Variants in WDR82 observed in about 807,000 individuals in gnomAD.
The protein encoded by WDR82 is WD repeat domain 82.
WDR82 carries 8 observed loss-of-function variants against 36.1 expected under a neutral mutation model. The ratio of observed to expected loss-of-function variants is 0.22; its 90% confidence interval spans 0.13 to 0.40. The LOEUF is 0.40. Ranked by LOEUF, WDR82 falls within the 10% of genes least tolerant of loss-of-function variation. The pLI, the probability that WDR82 is intolerant of heterozygous loss-of-function variation, is 1.00. For missense variants in WDR82, 185 were observed against 400.5 expected, an observed-to-expected ratio of 0.46 and a Z score of 4.59; for synonymous variants, 129 against 137.8, an observed-to-expected ratio of 0.94 and a Z score of 0.45.
intron 7 of WDR82, 42 bp downstream of exon 7, chr3:52,259,155 T>A (rs375455031): frequency 9.1e-6 from 14 of 1,542,382 alleles, no homozygotes; most frequent in Non-Finnish European, 1.2e-5. Context: ...AAATGCATAG[T>A]ACCAGAGAAA....
chr3:52,273,424 T>C (rs1219614619), intron 1 of WDR82, among the ~76,000 whole-genome samples: 2 of 138,780 alleles, frequency 1.4e-5, no homozygotes, highest in Non-Finnish European at 3.2e-5. Flanking sequence ...AGAGCGAAAC[T>C]CCGTCTTAAA....
chr3:52,268,720 C>A (rs188471995), intron 2 of WDR82, among the ~76,000 whole-genome samples: 31 of 148,044 alleles, frequency 2.1e-4, no homozygotes, highest in African/African-American at 7.4e-4. Context: ...AGAAGAGTCT[C>A]ATTAAAAAAA....
At chr3:52,258,158 C>T (rs1419271770) in intron 8 of WDR82, among the ~76,000 whole-genome samples, 2 of 151,968 alleles carry the variant, frequency 1.3e-5, no homozygotes, top group Non-Finnish European at 2.9e-5. Context: ...GGGAATTTGG[C>T]GTAAACCAAC....
At chr3:52,267,206 A>C (rs1233233723) in intron 2 of WDR82, 188 bp from the exon 3 acceptor site, 1 of 426,772 alleles carries the variant, frequency 2.3e-6, no homozygotes, top group Non-Finnish European at 4.3e-6. Flanking sequence ...CACCTAACTC[A>C]AAAGCAGAGT....
At chr3:52,273,715 G>A (rs1411607848) in intron 1 of WDR82, among the ~76,000 whole-genome samples, 1 of 152,152 alleles carries the variant, frequency 6.6e-6, no homozygotes. Context: ...CTGCGTCCCC[G>A]GTTCAAGCAA....
In WDR82 at chr3:52,278,508, C is replaced by T. The variant is rs1700228879; in HGVS notation, c.-147G>A. 6 of 630,370 alleles carry T rather than the reference C, an allele frequency of 9.5e-6. No individual in the cohort carries two copies. The East Asian group carries it at 1.7e-4, about 18-fold the overall frequency. The allele number at this position is 630,370 out of a possible 1,614,324, so 39.0% of individuals were successfully genotyped here. ...CGGCCAACAGTTGGGCCGCCTCCTC[C>T]TCTTCTTCCTGCTTGGTCGAGGGTC... On this transcript the variant is annotated 5_prime_UTR_variant, in exon 1 of 9. Transcript: ENST00000296490.
intron 8 of WDR82, among the ~76,000 whole-genome samples, chr3:52,258,006 T>C (rs1418856279): frequency 2.6e-5 from 4 of 152,022 alleles, no homozygotes. Context: ...CATCCCCGAA[T>C]ACCCAGGCAG....
chr3:52,259,063 T>C (rs1700036912), intron 7 of WDR82, 134 bp downstream of exon 7: 1 of 1,045,226 alleles, frequency 9.6e-7, no homozygotes, highest in East Asian at 2.5e-5. Context: ...AGACACTATG[T>C]CCTTGGCATA....
intron 1 of WDR82, among the ~76,000 whole-genome samples, chr3:52,273,275 A>T (rs144571993): frequency 0.08 from 12,216 of 151,916 alleles, 607 homozygotes; most frequent in Non-Finnish European, 0.12. Flanking sequence ...ACTAAAAATT[A>T]AAAAAATTAG....
intron 5 of WDR82, 102 bp downstream of exon 5, chr3:52,260,283 T>A (rs778124076): frequency 2.9e-5 from 23 of 793,730 alleles, no homozygotes; most frequent in Non-Finnish European, 4.2e-5. Flanking sequence ...GAGCTGAGAT[T>A]ACACCACTGC....
At chr3:52,265,566 CTTTTTTTTTTTT>C (rs959125432) in intron 3 of WDR82, among the ~76,000 whole-genome samples, 19 of 120,750 alleles carry the variant, frequency 1.6e-4, no homozygotes, top group African/African-American at 5.4e-4. Context: ...GGAAGTGCAA[CTTTTTTTTTTTT>C]TTTTTTTTTT....
Position 52,278,601 on chromosome 3 carries a change from T to A in WDR82, c.-240A>T. 1 of 402,822 alleles carries A rather than the reference T, an allele frequency of 2.5e-6. No homozygotes were observed. Among genetic ancestry groups the A allele is most frequent in the Non-Finnish European group, 4.3e-6 (1 of 230,438 alleles). 25.0% of individuals were successfully genotyped at this position (402,822 alleles called of 1,614,324 possible). On this transcript the variant is annotated 5_prime_UTR_variant, in exon 1 of 9. Coordinates refer to ENST00000296490, the MANE Select transcript of WDR82 (RefSeq NM_025222.4). The stretch of plus-strand genomic sequence containing the variant: ...AGCCACCTCACGGACAACCGGCGCG[T>A]CGCCGGCTCATTGTGTCCGCCATTT...
chr3:52,278,217 C>T lies in WDR82; in HGVS notation c.145G>A (p.Asp49Asn). The change falls in exon 1 of 9, where the codon GAC (aspartate) becomes AAC (asparagine). Residue 49 changes from aspartate (D) to asparagine (N), a missense_variant. Physicochemically the swap from Asp to Asn is conservative, Grantham distance 23 (BLOSUM62 1). Transcript: ENST00000296490. ...SSDDDSIVLY[D>N]CQEGKPKRTL... The stretch of plus-strand genomic sequence containing the variant: ...CGCACTCACTTGCCCTCCTGGCAGT[C>T]ATAGAGCACGATGGAGTCGTCGTCG... 6.2e-7 allele frequency: 1 copy of T among 1,605,000 alleles called. No individual in the cohort carries two copies. The highest frequency in any genetic ancestry group is 8.5e-7 in the Non-Finnish European group (1 of 1,175,776).
Position 52,259,846 on chromosome 3 carries a change from C to T in WDR82, c.570G>A (p.Gln190=). 1 of 1,613,914 alleles carries T rather than the reference C, an allele frequency of 6.2e-7. No homozygotes were observed. Among genetic ancestry groups the T allele is most frequent in the Non-Finnish European group, 8.5e-7 (1 of 1,179,888 alleles). ...DKGPFATFKM[Q]YDRTCEWTGL... ...CTGTCCACTCACAAGTTCGATCATA[C>T]TGCATCTTAAAGGTAGCAAATGGCC... Residue 190 remains glutamine, a synonymous_variant, in exon 6 of 9, where the codon CAG becomes CAA. Transcript: ENST00000296490.
At chr3:52,271,677 G>A (rs1700155406) in intron 1 of WDR82, among the ~76,000 whole-genome samples, 1 of 152,080 alleles carries the variant, frequency 6.6e-6, no homozygotes, top group African/African-American at 2.4e-5. Flanking sequence ...TGCTCTTGCA[G>A]AAGACATCCA....
intron 5 of WDR82, among the ~76,000 whole-genome samples, 186 bp from the exon 6 acceptor site, chr3:52,260,058 C>T (rs778940186): frequency 5.9e-5 from 9 of 152,162 alleles, no homozygotes; most frequent in Non-Finnish European, 1.0e-4. Context: ...GGGCCGGGCG[C>T]GGTGGCTCAC....
In WDR82 at chr3:52,255,571, C is replaced by T. The variant is rs1454685509; in HGVS notation, c.*1919G>A. 1.3e-5 allele frequency: 2 copies of T among 152,010 alleles called. No individual in the cohort carries two copies. Among genetic ancestry groups the T allele is most frequent in the Non-Finnish European group, 2.9e-5 (2 of 68,020 alleles). 9.4% of individuals were successfully genotyped at this position (152,010 alleles called of 1,614,324 possible). A position where few individuals can be genotyped will look rare whatever the true frequency, so the allele number is the denominator to read the frequency against. ...GTCTACATTTGGGAAAGGTGTACGC[C>T]TCTTGCACTTTCAGAGGAACAAGTC... On this transcript the variant is annotated 3_prime_UTR_variant, in exon 9 of 9. Coordinates refer to ENST00000296490, the MANE Select transcript of WDR82 (RefSeq NM_025222.4).
chr3:52,270,506 CT>C (rs1350305482), intron 2 of WDR82, among the ~76,000 whole-genome samples: 2 of 152,244 alleles, frequency 1.3e-5, no homozygotes, highest in African/African-American at 4.8e-5. Context: ...GAATTGAAGA[CT>C]TTTCATACTC....
At chr3:52,268,216 C>T (rs1700123036) in intron 2 of WDR82, 1 of 427,220 alleles carries the variant, frequency 2.3e-6, no homozygotes, top group Non-Finnish European at 5.0e-6. Flanking sequence ...TACCTGGTTT[C>T]CCAGAGATGA....
Sources: allele counts gnomAD v4.1 joint callset (sites outside exome capture counted in the v4.1 genomes callset), GRCh38; gene constraint gnomAD v4.1.1; transcripts MANE v1.5; gene names NCBI Gene and HGNC (gene_info 2026-07-23, HGNC 2026-07-21).